KCNH3: variants seen among roughly 807,000 people sequenced by gnomAD.
KCNH3 encodes the protein voltage-gated inwardly rectifying potassium channel KCNH3.
A neutral mutation model predicts 95.6 loss-of-function variants in KCNH3; 36 were observed. The ratio of observed to expected loss-of-function variants is 0.38; its 90% CI spans 0.29 to 0.50. The LOEUF (loss-of-function observed/expected upper bound fraction) is 0.50. KCNH3 is among the 20% of genes least tolerant of loss of function. The pLI is 0.95. For synonymous variants in KCNH3, 620 were observed against 646.3 expected (o/e 0.96, Z 0.62); for missense variants, 1,030 against 1,484.1 (o/e 0.69, Z 5.03).
intron 5 of KCNH3, 33 bp downstream of exon 5, chr12:49,543,551 T>C: frequency 6.3e-7 from 1 of 1,577,744 alleles, no homozygotes; most frequent in Admixed American, 1.7e-5. Flanking sequence ...GCCCCACCCT[T>C]TGCTGGCGCC....
chr12:49,540,912 G>A lies in KCNH3; in HGVS notation c.90G>A (p.Val30=). The A allele has an allele frequency of 6.2e-7, 1 of 1,614,102 alleles. No individual in the cohort carries two copies. The change falls in exon 2 of 15, where the codon GTG becomes GTA. Residue 30 remains valine, a synonymous_variant. Transcript: ENST00000257981. ...TRFDGTHSNF[V]LGNAQVAGLF... is the part of the protein sequence containing the mutation. ...GCTCTCTTGCAGACAGTAACTTCGT[G>A]CTGGGCAACGCCCAGGTGGCGGGGC...
intron 7 of KCNH3, among the ~76,000 whole-genome samples, chr12:49,547,175 G>A (rs566194413): frequency 1.3e-5 from 2 of 152,254 alleles, no homozygotes; most frequent in African/African-American, 4.8e-5. Context: ...TTACATGCAT[G>A]AGCCACTGCA....
At chr12:49,542,022 G>T (rs776856794) in intron 3 of KCNH3, among the ~76,000 whole-genome samples, 40 of 152,230 alleles carry the variant, frequency 2.6e-4, no homozygotes, top group Admixed American at 5.2e-4. Flanking sequence ...AAACCCAATT[G>T]TACCTGTGAA....
chr12:49,552,115 A>C (rs1938284325), intron 10 of KCNH3, among the ~76,000 whole-genome samples: 1 of 152,162 alleles, frequency 6.6e-6, no homozygotes, highest in Admixed American at 6.5e-5. Flanking sequence ...CCTTGGAGAG[A>C]TTCCGAAGGG....
chr12:49,554,227 TAC>T, intron 10 of KCNH3, 108 bp from the exon 11 acceptor site: 1 of 849,680 alleles, frequency 1.2e-6, no homozygotes, highest in Non-Finnish European at 1.9e-6. Flanking sequence ...AGGCTTCAGC[TAC>T]AGAGGCCCAG....
chr12:49,556,899 G>C (rs1715956228), intron 13 of KCNH3: 1 of 611,998 alleles, frequency 1.6e-6, no homozygotes, highest in Non-Finnish European at 2.9e-6. Context: ...GAGCTCCTAG[G>C]AATGTCCATT....
intron 11 of KCNH3, among the ~76,000 whole-genome samples, 159 bp from the exon 12 acceptor site, chr12:49,555,461 A>AAGAT (rs1267693851): frequency 6.6e-6 from 1 of 151,744 alleles, no homozygotes; most frequent in African/African-American, 2.4e-5. Context: ...AAAAAAAAAA[A>AAGAT]AGATAGTATC....
chr12:49,550,366 G>T (rs1443569170), intron 10 of KCNH3, 37 bp downstream of exon 10: 8 of 1,571,742 alleles, frequency 5.1e-6, no homozygotes, highest in Non-Finnish European at 6.9e-6. Context: ...GGGGGCACGT[G>T]TGTGTGAGAC....
At chr12:49,541,816 C>G (rs551635901) in intron 3 of KCNH3, 52 bp downstream of exon 3, 1 of 1,598,436 alleles carries the variant, frequency 6.3e-7, no homozygotes, top group Non-Finnish European at 8.5e-7. Flanking sequence ...CAGGCCCGGG[C>G]GGGGCCTTGG....
intron 7 of KCNH3, among the ~76,000 whole-genome samples, chr12:49,546,528 T>G (rs912528881): frequency 3.3e-5 from 5 of 152,172 alleles, no homozygotes; most frequent in African/African-American, 1.2e-4. Flanking sequence ...CCTTTTCCAC[T>G]GCCCATGATG....
intron 7 of KCNH3, among the ~76,000 whole-genome samples, chr12:49,544,713 C>A (rs1249857392): frequency 1.3e-5 from 2 of 152,062 alleles, no homozygotes; most frequent in Middle Eastern, 3.2e-3. Context: ...TGACACCCGG[C>A]ACTCCCCACC....
At position 49,543,296 on chromosome 12, in the gene KCNH3, A is replaced by G; in HGVS notation, c.601A>G (p.Asn201Asp). 6.2e-7 allele frequency: 1 copy of G among 1,613,572 alleles called. No homozygotes were observed. Among genetic ancestry groups the G allele is most frequent in the Non-Finnish European group, 8.5e-7 (1 of 1,180,000 alleles). The change falls in exon 5 of 15, where the codon AAC (asparagine) becomes GAC (aspartate). Residue 201 changes from asparagine to aspartate, a missense_variant. Asn to Asp is a conservative substitution (Grantham distance 23, BLOSUM62 1). Transcript: ENST00000257981. Reference protein sequence around the residue: ...LNKGVFGEKPNLPEYKVAAIR... With the variant: ...LNKGVFGEKPDLPEYKVAAIR... Reference sequence around the variant, plus strand: ...TCAGGGGGTGTTTGGGGAGAAACCAAACTTGCCTGAGTACAAAGTAGCCGC... The same window carrying G: ...TCAGGGGGTGTTTGGGGAGAAACCAGACTTGCCTGAGTACAAAGTAGCCGC...
rs774265414 is a variant in KCNH3, at chr12:49,555,685, T to C, written c.2202T>C (p.Asp734=). 3 of 1,605,684 alleles carry C rather than the reference T, an allele frequency of 1.9e-6. No homozygotes were observed. In the South Asian group the frequency reaches 3.3e-5, roughly 18 times the overall value. The stretch of plus-strand genomic sequence containing the variant: ...CCACGCTGGAGGAGAAGGAGACAGA[T>C]GGGGAGCAGGGCCCCACGGTCTCCC... ...LMSTLEEKET[D]GEQGPTVSPA... Residue 734 remains aspartate (D), a synonymous_variant, in exon 12 of 15, where the codon GAT becomes GAC. Transcript: ENST00000257981.
In KCNH3 at chr12:49,550,134, A is replaced by G. The variant is rs1938212309; in HGVS notation, c.1723A>G (p.Lys575Glu). The change falls in exon 10 of 15, where the codon AAG (lysine) becomes GAG (glutamate). Residue 575 changes from lysine (K) to glutamate (E), a missense_variant. This residue lies in a region of KCNH3 where 160 missense variants were observed against 316.2 expected (regional missense o/e 0.51). Transcript: ENST00000257981. ...LRADIAMHLH[K>E]EVLQLPLFEA... ...CGCAGACATCGCCATGCACCTGCAC[A>G]AGGAGGTCCTGCAGCTGCCACTGTT... 1.2e-6 allele frequency: 2 copies of G among 1,605,478 alleles called. No homozygotes were observed. The highest frequency in any genetic ancestry group is 1.3e-5 in the African/African-American group (1 of 74,640).
Position 49,543,534 on chromosome 12 carries a change from C to CCCTTCCG in KCNH3, c.823+19_823+25dup, listed in dbSNP as rs1259451258. On this transcript the variant is annotated intron_variant, in intron 5 of 14. Coordinates refer to ENST00000257981, the MANE Select transcript of KCNH3 (RefSeq NM_012284.3). ...TTCATCCTTGGTGCGTGCACTCTGC[C>CCCTTCCG]CCTTCCGCCCCACCCTTTGCTGGCG... The CCCTTCCG allele has an allele frequency of 1.1e-5, 18 of 1,583,298 alleles. No individual in the cohort carries two copies. The highest frequency in any genetic ancestry group is 1.4e-5 in the Non-Finnish European group (16 of 1,167,550).
intron 9 of KCNH3, 37 bp from the exon 10 acceptor site, chr12:49,550,043 T>TGGCC: frequency 2.6e-4 from 344 of 1,299,272 alleles, no homozygotes; most frequent in Non-Finnish European, 3.4e-4. Context: ...CTTCTGCCAC[T>TGGCC]CCCAACCCCC....
chr12:49,539,494 T>C lies in KCNH3; in HGVS notation c.76+2T>C. 1 of 1,588,430 alleles carries C rather than the reference T, an allele frequency of 6.3e-7. No homozygotes were observed. Among genetic ancestry groups the C allele is most frequent in the Non-Finnish European group, 8.6e-7 (1 of 1,169,388 alleles). ...TCGCTACGCGCTTCGACGGCACGCG[T>C]GAGTCCGACCCTCGCCCACTTGCAC... On this transcript the variant is annotated splice_donor_variant, in intron 1 of 14. Coordinates refer to ENST00000257981, the MANE Select transcript of KCNH3 (RefSeq NM_012284.3). LOFTEE classifies it high-confidence loss of function. The surrounding 1 kb of genome is among the most constrained non-coding windows in gnomAD (Gnocchi z 6.7).
At position 49,549,013 on chromosome 12, in the gene KCNH3, C is replaced by A. The variant is rs772147576; in HGVS notation, c.1308C>A (p.Asn436Lys). Residue 436 changes from asparagine to lysine, a missense_variant, in exon 8 of 15, where the codon AAC becomes AAA. This residue lies in a region of KCNH3 where 50 missense variants were observed against 41.0 expected (regional missense o/e 1.22). Transcript: ENST00000257981. ...ACTGCAGCAGCAGCAGCGAGGCCAA[C>A]GGGACGGGGCTGGAGCTGCTGGGCG... ...SDNCSSSSEA[N>K]GTGLELLGGP... 6 of 1,611,604 alleles carry A rather than the reference C, an allele frequency of 3.7e-6. No homozygotes were observed. Among genetic ancestry groups the A allele is most frequent in the Non-Finnish European group, 4.2e-6 (5 of 1,179,456 alleles).
chr12:49,544,137 G>A, intron 6 of KCNH3, 38 bp from the exon 7 acceptor site: 1 of 1,585,104 alleles, frequency 6.3e-7, no homozygotes, highest in Non-Finnish European at 8.6e-7. Context: ...CCGGCCCGCT[G>A]ACCTCCCTCC....
Sources: allele counts gnomAD v4.1 joint callset (sites outside exome capture counted in the v4.1 genomes callset), GRCh38; gene constraint gnomAD v4.1.1; regional missense constraint gnomAD v4.1.1; non-coding constraint Gnocchi (gnomAD v3.1); transcripts MANE v1.5; gene names NCBI Gene and HGNC (gene_info 2026-07-23, HGNC 2026-07-21).